HERC3: variants seen among roughly 807,000 people sequenced by gnomAD.
The protein encoded by HERC3 is probable E3 ubiquitin-protein ligase HERC3.
HERC3 carries 58 observed loss-of-function variants against 129.9 expected under a neutral mutation model. The observed-to-expected ratio is 0.45, with a 90% CI of 0.36 to 0.56. The LOEUF is 0.56. Among genes scored for constraint, HERC3 ranks in the 20% least tolerant of loss-of-function variants. The probability of loss-of-function intolerance (pLI) is 0.00; values close to 1 mark genes in which losing one functional copy is unlikely to be tolerated. For synonymous variants in HERC3, 430 were observed against 451.0 expected, an observed-to-expected ratio of 0.95 and a Z score of 0.59; for missense variants, 835 against 1,244.2, an observed-to-expected ratio of 0.67 and a Z score of 4.95.
In HERC3 at chr4:88,617,453, A is replaced by C. The variant is rs1725032184; in HGVS notation, c.226+11404A>C. ...ATCACATTAAAGGAGTCTTTAATTT[A>C]TTGGTTTGGAATTGGCCTCATACTA... On this transcript the variant is annotated intron_variant, in intron 3 of 25. Transcript: ENST00000402738. 5.9e-5 allele frequency among the ~76,000 whole-genome samples: 9 copies of C among 152,174 alleles called. No individual in the cohort carries two copies. In the South Asian group the frequency reaches 1.9e-3, roughly 31 times the overall value.
chr4:88,583,161 G>C, the HERC3 span, among the ~76,000 whole-genome samples: 1 of 152,166 alleles, frequency 6.6e-6, no homozygotes, highest in African/African-American at 2.4e-5. Context: ...AAGTAGGCCA[G>C]GCATGGTGGC....
chr4:88,544,142 A>C, the HERC3 span, among the ~76,000 whole-genome samples: 2 of 152,210 alleles, frequency 1.3e-5, no homozygotes, highest in Non-Finnish European at 2.9e-5. Context: ...CAACCTACAG[A>C]ATGGGAGAAA....
the HERC3 span, among the ~76,000 whole-genome samples, chr4:88,531,230 A>C: frequency 6.6e-6 from 1 of 151,652 alleles, no homozygotes; most frequent in African/African-American, 2.4e-5. Context: ...ATTTAAATTA[A>C]ATTGTTGTTG....
intron 3 of HERC3, among the ~76,000 whole-genome samples, chr4:88,632,071 G>C (rs1578203916): frequency 6.6e-6 from 1 of 152,184 alleles, no homozygotes; most frequent in South Asian, 2.1e-4. Flanking sequence ...CCATAGGCTA[G>C]AGGACTAAAA....
chr4:88,604,893 C>T (rs1560665219), intron 2 of HERC3, among the ~76,000 whole-genome samples: 1 of 152,146 alleles, frequency 6.6e-6, no homozygotes, highest in Non-Finnish European at 1.5e-5. Context: ...ATCACCAACA[C>T]TTGTTGTTAC....
the HERC3 span, among the ~76,000 whole-genome samples, chr4:88,530,043 A>G: frequency 6.6e-6 from 1 of 151,890 alleles, no homozygotes; most frequent in Non-Finnish European, 1.5e-5. Context: ...GTAATCCAGC[A>G]CTTTGGGAGG....
At chr4:88,594,020 T>C (rs1437450510) in intron 1 of HERC3, among the ~76,000 whole-genome samples, 1 of 152,202 alleles carries the variant, frequency 6.6e-6, no homozygotes, top group Admixed American at 6.5e-5. Flanking sequence ...CTGTAAAAAG[T>C]ATAATGCAGG....
At chr4:88,626,808 A>G (rs747784913) in intron 3 of HERC3, among the ~76,000 whole-genome samples, 64 of 152,068 alleles carry the variant, frequency 4.2e-4, no homozygotes, top group Admixed American at 1.2e-3. Context: ...GCCTGGGTAG[A>G]TGTTAATAAA....
chr4:88,643,267 T>C (rs907853674), intron 3 of HERC3, among the ~76,000 whole-genome samples: 7 of 152,204 alleles, frequency 4.6e-5, no homozygotes, highest in Non-Finnish European at 1.0e-4. Flanking sequence ...ATTGTGTTCA[T>C]GGATTAAGGC....
At chr4:88,675,498 A>G (rs898251788) in intron 16 of HERC3, among the ~76,000 whole-genome samples, 11 of 152,056 alleles carry the variant, frequency 7.2e-5, no homozygotes, top group South Asian at 6.2e-4. Context: ...AACATAACCT[A>G]TATTGTTGAT....
chr4:88,534,619 G>A, the HERC3 span, among the ~76,000 whole-genome samples: 1 of 151,898 alleles, frequency 6.6e-6, no homozygotes, highest in African/African-American at 2.4e-5. Flanking sequence ...TTTATTAAAT[G>A]AAAGTTATGA....
At chr4:88,555,110 C>G in the HERC3 span, among the ~76,000 whole-genome samples, 1 of 151,612 alleles carries the variant, frequency 6.6e-6, no homozygotes, top group Non-Finnish European at 1.5e-5. Flanking sequence ...ATGGTGAAAC[C>G]CTGTCTGTAC....
rs1729111355 is a variant in HERC3 at position 88,650,083 on chromosome 4, C to T, written c.386+84C>T. On this transcript the variant is annotated intron_variant, in intron 4 of 25. Transcript: ENST00000402738. Reference sequence around the variant, plus strand: ...AGACTCCTTGTTTTTCTTCTGTTTTCTTCATTTAATTGCTATTTCCTTTGC... The same window carrying T: ...AGACTCCTTGTTTTTCTTCTGTTTTTTTCATTTAATTGCTATTTCCTTTGC... The T allele has an allele frequency of 2.5e-5, 35 of 1,376,866 alleles. 1 individual carries two copies. The South Asian group carries it at 4.2e-4, about 17-fold the overall frequency. The allele number at this position is 1,376,866 out of a possible 1,614,324, so 85.3% of individuals were successfully genotyped here.
At chr4:88,706,618 A>G (rs1413491078) in intron 25 of HERC3, 134 bp from the exon 26 acceptor site, 2 of 674,128 alleles carry the variant, frequency 3.0e-6, no homozygotes, top group Admixed American at 2.5e-5. Context: ...CAGGATGCAT[A>G]TTGGCACATA....
intron 16 of HERC3, among the ~76,000 whole-genome samples, chr4:88,675,890 C>A (rs1266322003): frequency 6.6e-6 from 1 of 152,036 alleles, no homozygotes; most frequent in Non-Finnish European, 1.5e-5. Context: ...AAAAATTAAC[C>A]TGTGAAGTCA....
upstream of HERC3, among the ~76,000 whole-genome samples, chr4:88,591,452 G>A (rs1320014251): frequency 6.6e-6 from 1 of 152,162 alleles, no homozygotes. Flanking sequence ...GCAGACCTGA[G>A]GTGATTTGAA....
chr4:88,596,823 G>A (rs897245190), intron 2 of HERC3, among the ~76,000 whole-genome samples: 1 of 152,088 alleles, frequency 6.6e-6, no homozygotes, highest in Non-Finnish European at 1.5e-5. Flanking sequence ...ATCATTACCC[G>A]CTATTTTGTG....
intron 16 of HERC3, among the ~76,000 whole-genome samples, chr4:88,675,289 GC>G (rs1732040870): frequency 6.6e-6 from 1 of 152,202 alleles, no homozygotes; most frequent in South Asian, 2.1e-4. Context: ...GCATCCACAT[GC>G]CAAGACTGCT....
chr4:88,595,456 T>C (rs551589366), intron 1 of HERC3, 101 bp from the exon 2 acceptor site: 1 of 152,316 alleles, frequency 6.6e-6, no homozygotes, highest in African/African-American at 2.4e-5. Context: ...TTTAAAGATA[T>C]TCTTATTTTC....
Sources: allele counts gnomAD v4.1 joint callset (sites outside exome capture counted in the v4.1 genomes callset), GRCh38; gene constraint gnomAD v4.1.1; transcripts MANE v1.5; gene names NCBI Gene and HGNC (gene_info 2026-07-23, HGNC 2026-07-21).